The following CYLC1 variants were observed in gnomAD, a reference collection of about 807,000 sequenced individuals.
The protein encoded by CYLC1 is cylicin 1, also known as cylicin-1.
A neutral mutation model predicts 31.6 loss-of-function variants in CYLC1; 2 were observed. The ratio of observed to expected loss-of-function variants is 0.06; its 90% CI spans 0.03 to 0.20. The LOEUF (loss-of-function observed/expected upper bound fraction) is 0.20. Among genes scored for constraint, CYLC1 ranks in the 10% least tolerant of loss-of-function variants. The probability of loss-of-function intolerance (pLI) is 1.00; values close to 1 mark genes in which losing one functional copy is unlikely to be tolerated. For missense variants in CYLC1, 595 were observed against 424.1 expected, an observed-to-expected ratio of 1.40 and a Z score of -3.54; for synonymous variants, 185 against 153.0, an observed-to-expected ratio of 1.21 and a Z score of -1.54.
At position 83,872,435 on chromosome X, in the gene CYLC1, G is replaced by C. The variant is rs1252843493; in HGVS notation, c.178-451G>C. Among the ~76,000 whole-genome samples the C allele has an allele frequency of 4.5e-5, 5 of 110,277 alleles. No homozygotes were observed. In the East Asian group the frequency reaches 1.4e-3, roughly 31 times the overall value. ...AAAAGCAGGAGTAGAAATTAGGCTA[G>C]GGTTTTACAACTATTACAGGAACTG... On this transcript the variant is annotated intron_variant, in intron 3 of 4. Coordinates refer to ENST00000329312, the MANE Select transcript of CYLC1 (RefSeq NM_021118.3).
Position 83,869,858 on chromosome X carries a change from T to G in CYLC1, c.18-7T>G, listed in dbSNP as rs2031640426. ...AATTTAATTAAAGCATTTTCTTCTTTTAATAGGCTAAAAGTAAACATCAGA... is the reference window on the plus strand; with the variant it reads ...AATTTAATTAAAGCATTTTCTTCTTGTAATAGGCTAAAAGTAAACATCAGA... On this transcript the variant is annotated splice_region_variant and splice_polypyrimidine_tract_variant and intron_variant, in intron 1 of 4. Coordinates refer to ENST00000329312, the MANE Select transcript of CYLC1 (RefSeq NM_021118.3). 1 of 815,352 alleles carries G rather than the reference T, an allele frequency of 1.2e-6. No individual in the cohort carries two copies. The allele number at this position is 815,352 out of a possible 1,213,427, so 67.2% of individuals were successfully genotyped here. A position where few individuals can be genotyped will look rare whatever the true frequency, so the allele number is the denominator to read the frequency against.
chrX:83,875,484 A>G (rs1472773466), intron 4 of CYLC1, among the ~76,000 whole-genome samples: 1 of 111,853 alleles, frequency 8.9e-6, no homozygotes, highest in Non-Finnish European at 1.9e-5. Flanking sequence ...TCTCTCAATC[A>G]TGGCAAAAGG....
chrX:83,878,200 T>TA (rs1335321560), intron 4 of CYLC1, among the ~76,000 whole-genome samples: 12 of 564 alleles, frequency 0.021, 4 homozygotes, highest in Non-Finnish European at 0.031. Flanking sequence ...AATATATATA[T>TA]AAATATATAT....
Position 83,871,464 on chromosome X carries a change from G to A in CYLC1, c.71G>A (p.Ser24Asn). ...YDNSIPISES[S>N]RKSWNQKHFA... ...CTTTCTCATTTAGTCAGTGAATCAA[G>A]CAGAAAATCATGGAATCAAAAACAC... The change falls in exon 3 of 5, where the codon AGC (serine) becomes AAC (asparagine). Residue 24 changes from serine to asparagine, a missense_variant. Ser to Asn is a conservative substitution (Grantham distance 46). Coordinates refer to ENST00000329312, the MANE Select transcript of CYLC1 (RefSeq NM_021118.3). The A allele has an allele frequency of 8.3e-6, 10 of 1,198,624 alleles. No homozygotes were observed. The highest frequency in any genetic ancestry group is 1.1e-5 in the Non-Finnish European group (10 of 887,159).
chrX:83,881,806 C>T (rs1448171253), intron 4 of CYLC1, among the ~76,000 whole-genome samples: 1 of 106,198 alleles, frequency 9.4e-6, no homozygotes, highest in African/African-American at 3.4e-5. Flanking sequence ...AAGCGATTCT[C>T]CTGCCTCAGC....
At chrX:83,885,490 G>A (rs999048386) in intron 4 of CYLC1, among the ~76,000 whole-genome samples, 2 of 108,970 alleles carry the variant, frequency 1.8e-5, no homozygotes, top group East Asian at 2.8e-4. Flanking sequence ...TAAATCTTAT[G>A]TATATTAACT....
At chrX:83,879,146 T>A (rs969663630) in intron 4 of CYLC1, among the ~76,000 whole-genome samples, 1 of 110,986 alleles carries the variant, frequency 9.0e-6, no homozygotes, top group Non-Finnish European at 1.9e-5. Flanking sequence ...CCATTCTGTA[T>A]GTGTATATAT....
chrX:83,871,607 T>C, intron 3 of CYLC1, 37 bp downstream of exon 3: 2 of 1,135,895 alleles, frequency 1.8e-6, no homozygotes, highest in Non-Finnish European at 2.4e-6. Context: ...AAACGAAATC[T>C]AAGTTGGTAA....
In CYLC1 at chrX:83,873,439, A is replaced by C. The variant is rs777044438; in HGVS notation, c.731A>C (p.Asn244Thr). ...GAGATTTGCTCAGAAAATAGTTTAA[A>C]TGTTGATTTCCTCATGTTAGTGGGA... ...ISEICSENSL[N>T]VDFLMLVGQS... Residue 244 changes from asparagine to threonine, a missense_variant, in exon 4 of 5, where the codon AAT becomes ACT. Asn to Thr is a moderately conservative substitution (Grantham distance 65, BLOSUM62 0). Coordinates refer to ENST00000329312, the MANE Select transcript of CYLC1 (RefSeq NM_021118.3). 1 of 1,202,982 alleles carries C rather than the reference A, an allele frequency of 8.3e-7. No individual in the cohort carries two copies. The highest frequency in any genetic ancestry group is 3.0e-5 in the East Asian group (1 of 33,716).
chrX:83,866,036 T>A (rs1230554155), intron 1 of CYLC1, among the ~76,000 whole-genome samples: 1 of 111,397 alleles, frequency 9.0e-6, no homozygotes, highest in Non-Finnish European at 1.9e-5. Context: ...TTAACTCAAG[T>A]CCAACATCAT....
intron 1 of CYLC1, among the ~76,000 whole-genome samples, chrX:83,868,571 G>C (rs2031621632): frequency 9.0e-6 from 1 of 110,679 alleles, no homozygotes; most frequent in Admixed American, 9.7e-5. Flanking sequence ...ACTGATTCTG[G>C]TGCTTATTGT....
At chrX:83,885,781 A>G (rs988901408) in intron 4 of CYLC1, among the ~76,000 whole-genome samples, 4 of 110,086 alleles carry the variant, frequency 3.6e-5, no homozygotes, top group African/African-American at 1.3e-4. Context: ...AAAGAGCATG[A>G]TTGCAATACT....
At chrX:83,882,635 C>A (rs1327281454) in intron 4 of CYLC1, among the ~76,000 whole-genome samples, 1 of 110,806 alleles carries the variant, frequency 9.0e-6, no homozygotes, top group African/African-American at 3.3e-5. Context: ...TCAATTCTTA[C>A]ACTTCTTCCT....
intron 3 of CYLC1, 47 bp from the exon 4 acceptor site, chrX:83,872,831 TATAGAAAG>T (rs1461341818): frequency 2.3e-6 from 2 of 878,389 alleles, no homozygotes; most frequent in Non-Finnish European, 3.1e-6. Context: ...TATGTTTCAA[TATAGAAAG>T]ATAAAACTCA....
At chrX:83,884,608 C>T (rs1002867503) in intron 4 of CYLC1, among the ~76,000 whole-genome samples, 4 of 111,030 alleles carry the variant, frequency 3.6e-5, no homozygotes, top group Non-Finnish European at 3.8e-5. Context: ...ACCACCTGTT[C>T]CCCAATAACA....
Position 83,873,304 on chromosome X carries a change from A to T in CYLC1, c.596A>T (p.Asp199Val). Residue 199 changes from aspartate (D) to valine (V), a missense_variant, in exon 4 of 5, where the codon GAT becomes GTT. By Grantham distance (152) the Asp-to-Val change is radical. Coordinates refer to ENST00000329312, the MANE Select transcript of CYLC1 (RefSeq NM_021118.3). ...GTCTCAAAAAATTGTTCACAAAAAG[A>T]TAAGAAAGATTCAAAGAATTCCAAG... ...KTVSKNCSQK[D>V]KKDSKNSKKT... 1 of 1,203,469 alleles carries T rather than the reference A, an allele frequency of 8.3e-7. No homozygotes were observed.
chrX:83,884,109 G>T (rs1261043221), intron 4 of CYLC1, among the ~76,000 whole-genome samples: 1 of 111,681 alleles, frequency 9.0e-6, no homozygotes, highest in African/African-American at 3.2e-5. Flanking sequence ...CAGCCTAGAA[G>T]CCAGTCAAAG....
At chrX:83,878,625 A>G (rs996809755) in intron 4 of CYLC1, among the ~76,000 whole-genome samples, 1 of 97,515 alleles carries the variant, frequency 1.0e-5, no homozygotes, top group Admixed American at 1.3e-4. Context: ...TGGTCCCTCT[A>G]AAGAGCTACA....
Position 83,870,106 on chromosome X carries a change from G to A in CYLC1, c.58+201G>A, listed in dbSNP as rs1266497234. Reference sequence around the variant, plus strand: ...GTGTGTGTATATCTCTGGCCTTGATGTAGATTTGCACTCACTGGTTTTGAA... The same window carrying A: ...GTGTGTGTATATCTCTGGCCTTGATATAGATTTGCACTCACTGGTTTTGAA... On this transcript the variant is annotated intron_variant, in intron 2 of 4. Transcript: ENST00000329312. Among the ~76,000 whole-genome samples, 6 of 111,564 alleles carry A rather than the reference G, an allele frequency of 5.4e-5. No individual in the cohort carries two copies. In the Admixed American group the frequency reaches 5.7e-4, roughly 11 times the overall value.
Sources: allele counts gnomAD v4.1 joint callset (sites outside exome capture counted in the v4.1 genomes callset), GRCh38; gene constraint gnomAD v4.1.1; transcripts MANE v1.5; gene names NCBI Gene and HGNC (gene_info 2026-07-23, HGNC 2026-07-21).